ACYP2: variants seen among roughly 807,000 people sequenced by gnomAD.
ACYP2 encodes acylphosphatase-2.
ACYP2 carries 12 observed loss-of-function variants against 11.2 expected under a neutral mutation model. That is an observed-to-expected ratio of 1.08 (90% CI 0.69 to 1.74). ACYP2 has a LOEUF of 1.74. ACYP2 is among the 40% of genes most tolerant of loss of function. The pLI, the probability that ACYP2 is intolerant of heterozygous loss-of-function variation, is 0.00. For synonymous variants in ACYP2, 43 were observed against 32.2 expected, an observed-to-expected ratio of 1.33 and a Z score of -1.13; for missense variants, 134 against 101.9, an observed-to-expected ratio of 1.31 and a Z score of -1.35.
At chr2:54,288,425 C>T (rs1396031810) in intron 6 of ACYP2, among the ~76,000 whole-genome samples, 1 of 151,956 alleles carries the variant, frequency 6.6e-6, no homozygotes, top group Non-Finnish European at 1.5e-5. Flanking sequence ...TCAGTGCTTC[C>T]TGGGGAAAAG....
At chr2:53,971,916 T>A (rs571495789) in intron 1 of ACYP2, among the ~76,000 whole-genome samples, 1 of 152,334 alleles carries the variant, frequency 6.6e-6, no homozygotes, top group African/African-American at 2.4e-5. Context: ...GAAATGAGAC[T>A]GAGAAGGCAA....
chr2:54,286,509 T>C (rs936043215), intron 6 of ACYP2, among the ~76,000 whole-genome samples: 2 of 152,034 alleles, frequency 1.3e-5, no homozygotes, highest in Non-Finnish European at 2.9e-5. Context: ...AAGCTGAATC[T>C]AACCCTAACT....
intron 6 of ACYP2, among the ~76,000 whole-genome samples, chr2:54,259,478 A>G (rs958270074): frequency 2.0e-5 from 3 of 152,216 alleles, no homozygotes; most frequent in Non-Finnish European, 4.4e-5. Context: ...AGAGACCAGC[A>G]GGGTAGGAAG....
At chr2:54,070,686 T>C (rs2103647167) in intron 4 of ACYP2, among the ~76,000 whole-genome samples, 1 of 152,184 alleles carries the variant, frequency 6.6e-6, no homozygotes, top group African/African-American at 2.4e-5. Context: ...AAGTGATATC[T>C]AAATGAAAAT....
chr2:54,016,915 T>C (rs1033718780), intron 2 of ACYP2, among the ~76,000 whole-genome samples: 2 of 151,860 alleles, frequency 1.3e-5, no homozygotes, highest in African/African-American at 2.4e-5. Flanking sequence ...TTAGTAGAGA[T>C]GGGGTTTCAC....
intron 4 of ACYP2, among the ~76,000 whole-genome samples, chr2:54,127,055 A>G (rs1680558412): frequency 2.0e-5 from 3 of 151,324 alleles, no homozygotes; most frequent in Non-Finnish European, 4.4e-5. Flanking sequence ...ACTTTTCACA[A>G]TCATTATCTA....
intron 6 of ACYP2, among the ~76,000 whole-genome samples, chr2:54,302,612 C>G (rs969243673): frequency 2.6e-5 from 4 of 152,194 alleles, no homozygotes; most frequent in African/African-American, 9.7e-5. Context: ...TTTATATCCT[C>G]TAACCAGACT....
At chr2:54,243,348 A>G (rs759669987) in intron 6 of ACYP2, among the ~76,000 whole-genome samples, 3 of 152,184 alleles carry the variant, frequency 2.0e-5, no homozygotes, top group Non-Finnish European at 4.4e-5. Flanking sequence ...ATGGCACGTT[A>G]TTGTACTTAA....
In ACYP2 at chr2:54,120,516, T is replaced by C. The variant is rs186247046; in HGVS notation, c.278-14937T>C. Among the ~76,000 whole-genome samples, 4 of 152,158 alleles carry C rather than the reference T, an allele frequency of 2.6e-5. No homozygotes were observed. The East Asian group carries it at 7.7e-4, about 29-fold the overall frequency. The stretch of plus-strand genomic sequence containing the variant: ...CTGTTGGTATACATGTGCTTAGAAT[T>C]TTTTTTTGACTGAGTTTTTTTAGAA... On this transcript the variant is annotated intron_variant, in intron 4 of 6. Coordinates refer to ENST00000607452, the MANE Select transcript of ACYP2 (RefSeq NM_001320586.2).
At chr2:54,034,444 T>C (rs1370404043) in intron 2 of ACYP2, among the ~76,000 whole-genome samples, 3 of 152,162 alleles carry the variant, frequency 2.0e-5, no homozygotes, top group Non-Finnish European at 2.9e-5. Context: ...ATACTTACCA[T>C]TGTGTTACAG....
At chr2:54,086,101 G>T (rs749619956) in intron 4 of ACYP2, among the ~76,000 whole-genome samples, 1 of 152,148 alleles carries the variant, frequency 6.6e-6, no homozygotes, top group East Asian at 1.9e-4. Flanking sequence ...GCACCATCAG[G>T]CCTGGCTAAT....
intron 6 of ACYP2, among the ~76,000 whole-genome samples, chr2:54,261,810 A>G (rs577935657): frequency 3.9e-5 from 6 of 152,358 alleles, no homozygotes; most frequent in African/African-American, 1.4e-4. Context: ...TTGGTAAACA[A>G]GAGAGGGAGA....
In ACYP2 at chr2:54,096,898, C is replaced by CG. The variant is rs939970573; in HGVS notation, c.278-38551dup. On this transcript the variant is annotated intron_variant, in intron 4 of 6. Transcript: ENST00000607452. ...CTAATCTGTTTTTTAAAAATAGAGA[C>CG]GGGGTCTTGCTATGTTGGCCAGGTT... Among the ~76,000 whole-genome samples, 21 of 152,156 alleles carry CG rather than the reference C, an allele frequency of 1.4e-4. No homozygotes were observed. In the East Asian group the frequency reaches 2.7e-3, roughly 20 times the overall value.
intron 6 of ACYP2, among the ~76,000 whole-genome samples, chr2:54,194,117 C>G (rs1454881947): frequency 2.0e-5 from 3 of 152,114 alleles, no homozygotes; most frequent in African/African-American, 7.2e-5. Flanking sequence ...AGGCTCACTG[C>G]AACCTCTGTC....
At position 54,271,246 on chromosome 2, in the gene ACYP2, T is replaced by C. The variant is rs187551891; in HGVS notation, c.405-33442T>C. The stretch of plus-strand genomic sequence containing the variant: ...ATGAAAGGCCACAAGATTAGTATTA[T>C]GGGAGGAGCCTCAATTCTGCTCAAA... On this transcript the variant is annotated intron_variant, in intron 6 of 6. Transcript: ENST00000607452. 4.1e-3 allele frequency among the ~76,000 whole-genome samples: 632 copies of C among 152,348 alleles called. 8 individuals are homozygous for C. The highest frequency in any genetic ancestry group is 0.014 in the African/African-American group (587 of 41,574).
At chr2:54,229,018 G>T (rs138406657) in intron 6 of ACYP2, among the ~76,000 whole-genome samples, 1 of 152,308 alleles carries the variant, frequency 6.6e-6, no homozygotes, top group East Asian at 1.9e-4. Context: ...TGGCCCCAGA[G>T]TGAGATGCAT....
intron 2 of ACYP2, among the ~76,000 whole-genome samples, chr2:54,007,586 C>A (rs1032033349): frequency 6.6e-6 from 1 of 151,536 alleles, no homozygotes; most frequent in Non-Finnish European, 1.5e-5. Context: ...CAAAGGTTGG[C>A]CGGATGTGGT....
intron 6 of ACYP2, among the ~76,000 whole-genome samples, chr2:54,175,543 C>T (rs1375801332): frequency 6.6e-6 from 1 of 152,040 alleles, no homozygotes; most frequent in Non-Finnish European, 1.5e-5. Context: ...CAGTTCTGCT[C>T]TGATCTTAGT....
chr2:54,278,294 A>G (rs993683644), intron 6 of ACYP2, among the ~76,000 whole-genome samples: 1 of 152,208 alleles, frequency 6.6e-6, no homozygotes, highest in African/African-American at 2.4e-5. Context: ...AAGTCTTTCA[A>G]TAAACAATGC....
Sources: allele counts gnomAD v4.1 joint callset (sites outside exome capture counted in the v4.1 genomes callset), GRCh38; gene constraint gnomAD v4.1.1; transcripts MANE v1.5; gene names NCBI Gene and HGNC (gene_info 2026-07-23, HGNC 2026-07-21).